GPLD1: variants seen among roughly 807,000 people sequenced by gnomAD.
GPLD1 encodes glycosylphosphatidylinositol specific phospholipase D1.
GPLD1 carries 84 observed loss-of-function variants against 112.6 expected under a neutral mutation model. The observed-to-expected ratio is 0.75, with a 90% confidence interval of 0.63 to 0.89. The LOEUF is 0.89. Ranked by LOEUF, GPLD1 falls within the 40% of genes least tolerant of loss-of-function variation. The pLI, the probability that GPLD1 is intolerant of heterozygous loss-of-function variation, is 0.00. For synonymous variants in GPLD1, 386 were observed against 403.8 expected, an observed-to-expected ratio of 0.96 and a Z score of 0.53; for missense variants, 1,044 against 1,051.5, an observed-to-expected ratio of 0.99 and a Z score of 0.10.
chr6:24,438,119 C>T (rs1263462564), intron 20 of GPLD1, among the ~76,000 whole-genome samples: 2 of 152,218 alleles, frequency 1.3e-5, no homozygotes, highest in Non-Finnish European at 2.9e-5. Context: ...TTCTGAATAC[C>T]CACGGCAGGG....
rs980280776 is a variant in GPLD1, at chr6:24,428,378, C to G, written c.*654G>C. 2.0e-5 allele frequency: 3 copies of G among 152,128 alleles called. No individual in the cohort carries two copies. The highest frequency in any genetic ancestry group is 1.3e-4 in the Admixed American group (2 of 15,254). The allele number at this position is 152,128 out of a possible 1,614,324, so 9.4% of individuals were successfully genotyped here. The stretch of plus-strand genomic sequence containing the variant: ...CCATTAGTTATTTTTCCTGATCTCT[C>G]CCTCCTCCCACCTTCCGCCCTCTCA... On this transcript the variant is annotated 3_prime_UTR_variant, in exon 25 of 25. Coordinates refer to ENST00000230036, the MANE Select transcript of GPLD1 (RefSeq NM_001503.4).
chr6:24,450,128 T>C (rs1326688810), intron 14 of GPLD1, among the ~76,000 whole-genome samples: 2 of 152,158 alleles, frequency 1.3e-5, no homozygotes, highest in Admixed American at 6.6e-5. Flanking sequence ...TGCCAGAAAG[T>C]AGAGGGTTGG....
Position 24,454,068 on chromosome 6 carries a change from G to C in GPLD1, c.1282C>G (p.Pro428Ala). Residue 428 changes from proline (P) to alanine (A), a missense_variant, in exon 14 of 25, where the codon CCT (proline) becomes GCT (alanine). Coordinates refer to ENST00000230036, the MANE Select transcript of GPLD1 (RefSeq NM_001503.4). ...LIYGNDLGLP[P>A]VDLDLDKEAH... ...TCCTTGTCCAGGTCCAGGTCAACAG[G>C]TGGCAGGCCCAGGTCATTGCCGTAG... 1 of 1,613,396 alleles carries C rather than the reference G, an allele frequency of 6.2e-7. No homozygotes were observed. Among genetic ancestry groups the C allele is most frequent in the Non-Finnish European group, 8.5e-7 (1 of 1,179,444 alleles).
At chr6:24,484,410 TTCA>T (rs1259582863) in intron 2 of GPLD1, among the ~76,000 whole-genome samples, 1 of 151,780 alleles carries the variant, frequency 6.6e-6, no homozygotes, top group Non-Finnish European at 1.5e-5. Context: ...GCGACAAGGT[TTCA>T]TCATGTTGGC....
At chr6:24,465,653 G>A (rs1763581698) in intron 10 of GPLD1, among the ~76,000 whole-genome samples, 1 of 152,130 alleles carries the variant, frequency 6.6e-6, no homozygotes, top group Admixed American at 6.5e-5. Context: ...GACTCTGTGA[G>A]AGTCTAATGA....
At chr6:24,495,098 C>T (rs779034609) in exon 1 of GPLD1, 3 of 1,319,480 alleles carry the variant, frequency 2.3e-6, no homozygotes, top group East Asian at 6.3e-5. Flanking sequence ...TGGTCCCTGC[C>T]TCCGGGCCTG....
Position 24,460,285 on chromosome 6 carries a change from C to G in GPLD1, c.1002G>C (p.Trp334Cys). 6.2e-7 allele frequency: 1 copy of G among 1,613,782 alleles called. No homozygotes were observed. The highest frequency in any genetic ancestry group is 8.5e-7 in the Non-Finnish European group (1 of 1,179,822). The change falls in exon 12 of 25, where the codon TGG (tryptophan) becomes TGC (cysteine). Residue 334 changes from tryptophan to cysteine, a missense_variant. Coordinates refer to ENST00000230036, the MANE Select transcript of GPLD1 (RefSeq NM_001503.4). ...TAGAGCAGAAAATTCTTACCGGGGT[C>G]CAGGAATTTACACTAAAGAACACTC... ...ERGVFFSVNS[W>C]TPDSMSFIYK...
At chr6:24,482,601 G>C (rs1764241246) in intron 2 of GPLD1, among the ~76,000 whole-genome samples, 1 of 152,166 alleles carries the variant, frequency 6.6e-6, no homozygotes, top group South Asian at 2.1e-4. Flanking sequence ...TTCTTTAGTA[G>C]AGACAAGGTT....
chr6:24,455,688 T>C (rs1763243830), intron 13 of GPLD1, among the ~76,000 whole-genome samples: 1 of 152,230 alleles, frequency 6.6e-6, no homozygotes, highest in Non-Finnish European at 1.5e-5. Flanking sequence ...TCTGCTTATA[T>C]CCTTCTGATG....
chr6:24,454,030 G>A lies in GPLD1; in HGVS notation c.1320C>T (p.Ile440=), dbSNP rs1454150468. 3.1e-6 allele frequency: 5 copies of A among 1,610,902 alleles called. No homozygotes were observed. Among genetic ancestry groups the A allele is most frequent in the East Asian group, 4.5e-5 (2 of 44,740 alleles). The change falls in exon 14 of 25, where the codon ATC becomes ATT. Residue 440 remains isoleucine (I), a synonymous_variant. Transcript: ENST00000230036. ...DLDLDKEAHR[I]LEGFQPSGRF... ...GGTGTCTCACCTGGAAGCCTTCAAG[G>A]ATCCTGTGGGCCTCCTTGTCCAGGT...
intron 7 of GPLD1, among the ~76,000 whole-genome samples, chr6:24,469,030 A>C (rs1763711160): frequency 6.6e-6 from 1 of 152,228 alleles, no homozygotes; most frequent in Non-Finnish European, 1.5e-5. Context: ...CTTTTGGTTC[A>C]CAAATATTAG....
chr6:24,458,893 G>C (rs868451176), intron 12 of GPLD1, among the ~76,000 whole-genome samples: 1 of 150,232 alleles, frequency 6.7e-6, no homozygotes, highest in African/African-American at 2.4e-5. Context: ...AAAAAAAATT[G>C]TTAAGAATTT....
At chr6:24,465,575 AAAAAAG>A (rs751572977) in intron 10 of GPLD1, among the ~76,000 whole-genome samples, 40 of 152,100 alleles carry the variant, frequency 2.6e-4, no homozygotes, top group Admixed American at 7.2e-4. Context: ...GCTCTTAAAA[AAAAAAG>A]AAAAAGAAAG....
At position 24,453,686 on chromosome 6, in the gene GPLD1, AATAC is replaced by A. The variant is rs576539398; in HGVS notation, c.1335+325_1335+328del. Among the ~76,000 whole-genome samples the A allele has an allele frequency of 1.6e-3, 181 of 113,742 alleles. 1 individual carries two copies. Among genetic ancestry groups the A allele is most frequent in the African/African-American group, 5.3e-3 (174 of 32,600 alleles). 74.6% of individuals were successfully genotyped at this position (113,742 alleles called of 152,430 possible). ...AATAAAATACTTACAAAGTTTTATA[AATAC>A]ATACATTTCGTGTGTGTGTGTGTGT... On this transcript the variant is annotated intron_variant, in intron 14 of 24. Transcript: ENST00000230036.
intron 4 of GPLD1, among the ~76,000 whole-genome samples, chr6:24,475,719 G>C (rs541171780): frequency 1.3e-5 from 2 of 150,806 alleles, no homozygotes; most frequent in East Asian, 2.0e-4. Flanking sequence ...TTAGCCGGGC[G>C]TGGTGGCGGG....
At chr6:24,435,836 A>AAAAAAAAAAAAAAAAT (rs1427422814) in intron 22 of GPLD1, 3 of 146,524 alleles carry the variant, frequency 2.0e-5, no homozygotes, top group Non-Finnish European at 4.6e-5. Flanking sequence ...AAAAAAAAAA[A>AAAAAAAAAAAAAAAAT]AAAAAAAAAA....
At chr6:24,474,206 C>CAT (rs59954943) in intron 5 of GPLD1, among the ~76,000 whole-genome samples, 13 of 120,858 alleles carry the variant, frequency 1.1e-4, no homozygotes, top group South Asian at 3.1e-4. Flanking sequence ...CACACACACA[C>CAT]ATATATATGC....
chr6:24,469,976 A>C (rs574744915), intron 7 of GPLD1, among the ~76,000 whole-genome samples: 1 of 152,296 alleles, frequency 6.6e-6, no homozygotes, highest in South Asian at 2.1e-4. Flanking sequence ...TTTTTAAATG[A>C]ATCACCAAGC....
upstream of GPLD1, among the ~76,000 whole-genome samples, chr6:24,493,909 G>A (rs190061608): frequency 1.0e-3 from 157 of 152,236 alleles, 1 homozygote; most frequent in Middle Eastern, 3.4e-3. Flanking sequence ...CATAGGGCTG[G>A]GCTTCATTTG....
Sources: allele counts gnomAD v4.1 joint callset (sites outside exome capture counted in the v4.1 genomes callset), GRCh38; gene constraint gnomAD v4.1.1; transcripts MANE v1.5; gene names NCBI Gene and HGNC (gene_info 2026-07-23, HGNC 2026-07-21).